Variants in AKAP9 observed in about 807,000 individuals in gnomAD.
AKAP9 encodes A-kinase anchoring protein 9.
In AKAP9, 311 loss-of-function variants were observed where a neutral mutation model predicts 488.5. The observed-to-expected ratio is 0.64, with a 90% confidence interval of 0.58 to 0.70. The LOEUF is 0.70. Ranked by LOEUF, AKAP9 falls within the 30% of genes least tolerant of loss-of-function variation. The pLI, the probability that AKAP9 is intolerant of heterozygous loss-of-function variation, is 0.00. For synonymous variants in AKAP9, 1,462 were observed against 1,483.5 expected, an observed-to-expected ratio of 0.99 and a Z score of 0.33; for missense variants, 4,215 against 4,374.5, an observed-to-expected ratio of 0.96 and a Z score of 1.03.
chr7:92,061,107 C>T (rs1809693930), intron 22 of AKAP9, among the ~76,000 whole-genome samples, 153 bp from the exon 23 acceptor site: 1 of 152,114 alleles, frequency 6.6e-6, no homozygotes, highest in South Asian at 2.1e-4. Context: ...CTCCTACCTG[C>T]TAATCTTAGC....
At chr7:92,080,555 G>A (rs556456374) in intron 31 of AKAP9, among the ~76,000 whole-genome samples, 18 of 151,522 alleles carry the variant, frequency 1.2e-4, no homozygotes, top group African/African-American at 2.9e-4. Flanking sequence ...CCAAGATCGC[G>A]CCACTGCACA....
chr7:92,104,389 C>A (rs1410663227), intron 46 of AKAP9, among the ~76,000 whole-genome samples: 1 of 151,996 alleles, frequency 6.6e-6, no homozygotes, highest in Admixed American at 6.6e-5. Flanking sequence ...GACTGGGTTT[C>A]ACTGTGTTAA....
intron 32 of AKAP9, among the ~76,000 whole-genome samples, 164 bp from the exon 33 acceptor site, chr7:92,083,006 T>A (rs935341347): frequency 1.3e-5 from 2 of 152,276 alleles, no homozygotes; most frequent in East Asian, 3.9e-4. Flanking sequence ...TACATACAAA[T>A]ATATATATGT....
chr7:92,030,951 G>A (rs1187274019), intron 15 of AKAP9, among the ~76,000 whole-genome samples: 2 of 152,218 alleles, frequency 1.3e-5, no homozygotes, highest in Non-Finnish European at 2.9e-5. Context: ...ACAGAGGAAA[G>A]ATGTTAGACA....
chr7:92,076,258 C>T (rs1812565606), intron 28 of AKAP9, among the ~76,000 whole-genome samples: 1 of 152,146 alleles, frequency 6.6e-6, no homozygotes, highest in African/African-American at 2.4e-5. Flanking sequence ...TTCTGTTGTC[C>T]TACCTATAGG....
rs1037879433 is a variant in AKAP9 at position 92,070,204 on chromosome 7, A to C, written c.6505A>C (p.Lys2169Gln). 2.5e-6 allele frequency: 4 copies of C among 1,613,950 alleles called. No individual in the cohort carries two copies. Among genetic ancestry groups the C allele is most frequent in the Non-Finnish European group, 3.4e-6 (4 of 1,179,906 alleles). Residue 2169 changes from lysine (K) to glutamine (Q), a missense_variant and splice_region_variant, in exon 27 of 50, where the codon AAG becomes CAG. Physicochemically the swap from Lys to Gln is moderately conservative, Grantham distance 53. Around this residue, in one of 5 missense-constraint regions of AKAP9, gnomAD observed 2,361 missense variants for 2,430.0 expected, o/e 0.97. Coordinates refer to ENST00000356239, the MANE Select transcript of AKAP9 (RefSeq NM_005751.5). ...TCTTGTGAGTGCAGATACTTTTCAA[A>C]AGGTGTGGCATTTTATTTGGGCTAA... ...ALLVSADTFQ[K>Q]VEDRKHFGAV...
intron 1 of AKAP9, among the ~76,000 whole-genome samples, chr7:91,944,023 T>C (rs1791115347): frequency 6.6e-6 from 1 of 152,206 alleles, no homozygotes; most frequent in African/African-American, 2.4e-5. Flanking sequence ...CTAAACCTTA[T>C]AAATGATCAC....
chr7:92,084,308 G>T (rs1468785894), intron 33 of AKAP9, among the ~76,000 whole-genome samples: 1 of 152,012 alleles, frequency 6.6e-6, no homozygotes, highest in South Asian at 2.1e-4. Context: ...CCTTATGATC[G>T]CAATTTTAAT....
chr7:92,107,120 G>A (rs191943706), intron 47 of AKAP9, among the ~76,000 whole-genome samples, 173 bp from the exon 48 acceptor site: 102 of 152,274 alleles, frequency 6.7e-4, no homozygotes, highest in African/African-American at 2.1e-3. Context: ...TTTGAAAGCC[G>A]AATTTTTGTT....
At chr7:92,035,744 A>C (rs1235897939) in intron 16 of AKAP9, among the ~76,000 whole-genome samples, 2 of 152,096 alleles carry the variant, frequency 1.3e-5, no homozygotes, top group Non-Finnish European at 2.9e-5. Flanking sequence ...TTTACTCTTC[A>C]GAATTCTTTA....
intron 14 of AKAP9, among the ~76,000 whole-genome samples, chr7:92,023,762 A>G (rs1344659236): frequency 6.6e-6 from 1 of 152,136 alleles, no homozygotes; most frequent in Non-Finnish European, 1.5e-5. Flanking sequence ...TCTGATTTTT[A>G]ATCTCCTACT....
chr7:91,951,317 CT>C (rs1226545561), intron 1 of AKAP9, among the ~76,000 whole-genome samples: 2 of 151,486 alleles, frequency 1.3e-5, no homozygotes, highest in Non-Finnish European at 2.9e-5. Context: ...TTTTATTTCT[CT>C]TTTTTTTCTT....
intron 9 of AKAP9, 58 bp from the exon 10 acceptor site, chr7:92,014,191 T>C: frequency 8.5e-7 from 1 of 1,176,852 alleles, no homozygotes; most frequent in Non-Finnish European, 1.3e-6. Flanking sequence ...AAGTTAAATA[T>C]GATCATAGTT....
chr7:91,948,226 G>C (rs1463626730), intron 1 of AKAP9, among the ~76,000 whole-genome samples: 1 of 152,164 alleles, frequency 6.6e-6, no homozygotes, highest in African/African-American at 2.4e-5. Flanking sequence ...ATTGTGAATA[G>C]TGCTGCTGTG....
At position 92,002,477 on chromosome 7, in the gene AKAP9, GA is replaced by G. The variant is rs1247973585; in HGVS notation, c.2567del (p.Asn856ThrfsTer19). 6.2e-7 allele frequency: 1 copy of G among 1,609,710 alleles called. No homozygotes were observed. The highest frequency in any genetic ancestry group is 8.5e-7 in the Non-Finnish European group (1 of 1,178,804). ...EKQRNTFSFA[E>X]KNFEVNYQEL... ...GCAAAGGAACACTTTTTCATTTGCT[GA>G]AAAAAACTTTGAAGTTAACTATCAA... On this transcript the variant is annotated frameshift_variant, in exon 8 of 50. Coordinates refer to ENST00000356239, the MANE Select transcript of AKAP9 (RefSeq NM_005751.5). LOFTEE classifies it high-confidence loss of function.
chr7:91,992,890 A>G lies in AKAP9; in HGVS notation c.411A>G (p.Glu137=). 1.2e-6 allele frequency: 2 copies of G among 1,613,824 alleles called. No individual in the cohort carries two copies. The highest frequency in any genetic ancestry group is 1.7e-6 in the Non-Finnish European group (2 of 1,179,798). ...AAAATCTTGGATTGATTTAGGAAGA[A>G]GAATTTGGTGTTGATGATTCTTATT... ...TGKPTNLLRE[E]EFGVDDSYSE... is the part of the protein sequence containing the mutation. Residue 137 remains glutamate, a synonymous_variant, in exon 5 of 50, where the codon GAA becomes GAG. Transcript: ENST00000356239.
chr7:92,022,278 G>C lies in AKAP9; in HGVS notation c.3878G>C (p.Gly1293Ala). ...QQTDGMKLEFGEENLPKEETE... is the reference protein window; with the variant it reads ...QQTDGMKLEFAEENLPKEETE... ...ACAGATGGTATGAAACTTGAATTTG[G>C]AGAAGAAAACCTTCCAAAAGAGGAA... The change falls in exon 13 of 50, where the codon GGA becomes GCA. Residue 1293 changes from glycine to alanine, a missense_variant. Gly to Ala is a moderately conservative substitution (Grantham distance 60). Around this residue, in one of 5 missense-constraint regions of AKAP9, gnomAD observed 2,361 missense variants for 2,430.0 expected, o/e 0.97. Transcript: ENST00000356239. 3 of 1,613,650 alleles carry C rather than the reference G, an allele frequency of 1.9e-6. No homozygotes were observed. The highest frequency in any genetic ancestry group is 2.5e-6 in the Non-Finnish European group (3 of 1,179,696).
intron 24 of AKAP9, 48 bp downstream of exon 24, chr7:92,062,534 T>C: frequency 4.5e-6 from 7 of 1,545,606 alleles, no homozygotes; most frequent in Non-Finnish European, 5.4e-6. Flanking sequence ...ATTTTATTTG[T>C]ATTCTTCAAA....
At position 92,083,325 on chromosome 7, in the gene AKAP9, A is replaced by G; in HGVS notation, c.8316A>G (p.Ile2772Met). 1 of 1,614,148 alleles carries G rather than the reference A, an allele frequency of 6.2e-7. No homozygotes were observed. Among genetic ancestry groups the G allele is most frequent in the Non-Finnish European group, 8.5e-7 (1 of 1,180,028 alleles). Reference sequence around the variant, plus strand: ...CCTGCATGTTTGAGCCACTTCCTATAAAACTGAGTAAGAGCATTGCATCCC... The same window carrying G: ...CCTGCATGTTTGAGCCACTTCCTATGAAACTGAGTAAGAGCATTGCATCCC... ...KKACMFEPLP[I>M]KLSKSIASQT... The change falls in exon 33 of 50, where the codon ATA becomes ATG. Residue 2772 changes from isoleucine to methionine, a missense_variant. Physicochemically the swap from Ile to Met is conservative, Grantham distance 10. This residue lies in a region of AKAP9 where 1,476 missense variants were observed against 1,477.4 expected (regional missense o/e 1.00). Coordinates refer to ENST00000356239, the MANE Select transcript of AKAP9 (RefSeq NM_005751.5).
Sources: gnomAD v4.1 joint callset for allele counts (sites outside exome capture counted in the v4.1 genomes callset) on GRCh38, gnomAD v4.1.1 for gene constraint, gnomAD v4.1.1 regional missense constraint, MANE v1.5 for transcripts, NCBI Gene and HGNC (gene_info 2026-07-23, HGNC 2026-07-21) for gene names.